Variants in TEP1 observed in about 807,000 individuals in gnomAD.
TEP1 encodes telomerase associated protein 1.
A neutral mutation model predicts 306.3 loss-of-function variants in TEP1; 241 were observed. The ratio of observed to expected loss-of-function variants is 0.79; its 90% CI spans 0.71 to 0.88. TEP1 has a LOEUF of 0.88. Ranked by LOEUF, TEP1 falls within the 40% of genes least tolerant of loss-of-function variation. The pLI is 0.00. For synonymous variants in TEP1, 1,289 were observed against 1,305.5 expected, an observed-to-expected ratio of 0.99 and a Z score of 0.27; for missense variants, 3,051 against 3,276.1, an observed-to-expected ratio of 0.93 and a Z score of 1.68.
Position 20,371,260 on chromosome 14 carries a change from T to C in TEP1, c.7275A>G (p.Ile2425Met), listed in dbSNP as rs1884818403. ...CAGGATCCTTGGGCTGCAGGACAAA[T>C]ATGCCATACTCCTTGTGGGTGGACA... is the stretch of plus-strand genomic sequence containing the variant. ...MILSTHKEYG[I>M]FVLQPKDPGV... Residue 2425 changes from isoleucine (I) to methionine (M), a missense_variant, in exon 51 of 55, where the codon ATA (isoleucine) becomes ATG (methionine). This residue lies in a region of TEP1 where 1,540 missense variants were observed against 1,705.9 expected (regional missense o/e 0.90). Transcript: ENST00000262715. 1.2e-6 allele frequency: 2 copies of C among 1,614,054 alleles called. No individual in the cohort carries two copies. The highest frequency in any genetic ancestry group is 1.1e-5 in the South Asian group (1 of 91,086).
chr14:20,391,094 G>C lies in TEP1; in HGVS notation c.2100C>G (p.Pro700=), dbSNP rs748950266. The change falls in exon 14 of 55, where the codon CCC becomes CCG. Residue 700 remains proline, a splice_region_variant and synonymous_variant. Coordinates refer to ENST00000262715, the MANE Select transcript of TEP1 (RefSeq NM_007110.5). The part of the protein sequence containing the change: ...RLCPKSNPQG[P]PLNYALLLIG... Reference sequence around the variant, plus strand: ...TCAACAGCAGTGCATAGTTCAGCGGGGGCTGATTGGACAAGTGTCAGGGGA... The same window carrying C: ...TCAACAGCAGTGCATAGTTCAGCGGCGGCTGATTGGACAAGTGTCAGGGGA... The C allele has an allele frequency of 2.5e-5, 40 of 1,613,624 alleles. No homozygotes were observed. The highest frequency in any genetic ancestry group is 3.4e-5 in the Non-Finnish European group (40 of 1,179,916).
rs778269815 is a variant in TEP1, at chr14:20,368,119, C to T, written c.*318G>A. ...TGGCATCCTAGGGTCCTAGGGCCCG[C>T]GAGTGATGCAAGAATTCTAAAACCT... On this transcript the variant is annotated 3_prime_UTR_variant, in exon 55 of 55. Coordinates refer to ENST00000262715, the MANE Select transcript of TEP1 (RefSeq NM_007110.5). The T allele has an allele frequency of 2.0e-5, 4 of 204,000 alleles. No individual in the cohort carries two copies. Among genetic ancestry groups the T allele is most frequent in the Non-Finnish European group, 3.0e-5 (3 of 99,806 alleles). 12.6% of individuals were successfully genotyped at this position (204,000 alleles called of 1,614,324 possible). A position where few individuals can be genotyped will look rare whatever the true frequency, so the allele number is the denominator to read the frequency against.
At chr14:20,369,636 C>T (rs776430504) in intron 52 of TEP1, 38 bp downstream of exon 52, 5 of 1,613,042 alleles carry the variant, frequency 3.1e-6, no homozygotes, top group Non-Finnish European at 4.2e-6. Flanking sequence ...CACCCTGGGC[C>T]ATCTCCCGGC....
chr14:20,391,608 G>A lies in TEP1; in HGVS notation c.2088C>T (p.Asn696=). 6.2e-7 allele frequency: 1 copy of A among 1,613,172 alleles called. No homozygotes were observed. Among genetic ancestry groups the A allele is most frequent in the Non-Finnish European group, 8.5e-7 (1 of 1,179,546 alleles). Residue 696 remains asparagine (N), a synonymous_variant, in exon 13 of 55, where the codon AAC becomes AAT. Transcript: ENST00000262715. ...CTTTTTGTTTTCTTACCCCTTGTGG[G>A]TTGCTCTTTGGACAGAGCCTGTCTG... ...ANADRLCPKS[N]PQGPPLNYAL...
intron 1 of TEP1, among the ~76,000 whole-genome samples, chr14:20,409,225 ACT>A (rs1205800077): frequency 1.3e-5 from 2 of 150,140 alleles, no homozygotes; most frequent in African/African-American, 4.9e-5. Flanking sequence ...TCTCATTAAA[ACT>A]CTCTCTTCCT....
intron 33 of TEP1, 40 bp downstream of exon 33, chr14:20,380,891 C>T (rs1450151346): frequency 3.9e-6 from 6 of 1,551,862 alleles, no homozygotes; most frequent in East Asian, 2.2e-5. Context: ...CCCAGGAGTC[C>T]CATATCTCAG....
intron 53 of TEP1, 39 bp from the exon 54 acceptor site, chr14:20,368,941 A>C (rs1282807448): frequency 2.0e-6 from 3 of 1,493,444 alleles, no homozygotes; most frequent in East Asian, 2.3e-5. Context: ...GTGAGTTCTC[A>C]GGGGCCCCTC....
At chr14:20,409,052 T>G (rs1177584851) in intron 1 of TEP1, among the ~76,000 whole-genome samples, 4 of 152,154 alleles carry the variant, frequency 2.6e-5, no homozygotes, top group Non-Finnish European at 5.9e-5. Context: ...CCAGCTTCCT[T>G]GCCTCCTATT....
rs752340084 is a variant in TEP1, at chr14:20,375,760, G to T, written c.6358C>A (p.Leu2120Ile). 1 of 1,612,254 alleles carries T rather than the reference G, an allele frequency of 6.2e-7. No homozygotes were observed. Among genetic ancestry groups the T allele is most frequent in the Non-Finnish European group, 8.5e-7 (1 of 1,178,906 alleles). Residue 2120 changes from leucine to isoleucine, a missense_variant, in exon 43 of 55, where the codon CTA becomes ATA. Coordinates refer to ENST00000262715, the MANE Select transcript of TEP1 (RefSeq NM_007110.5). ...VTGCAWTKDN[L>I]LISCSSDGSV... is the part of the protein sequence containing the mutation. ...ACCCCTGGCCCTTTACTCACCAGTA[G>T]GTTATCTTTGGTCCAGGCACAGCCA...
chr14:20,389,280 G>C lies in TEP1; in HGVS notation c.2483C>G (p.Pro828Arg), dbSNP rs145088591. 19 of 1,614,038 alleles carry C rather than the reference G, an allele frequency of 1.2e-5. No homozygotes were observed. In the African/African-American group the frequency reaches 2.5e-4, roughly 22 times the overall value. ...RVQYLSTDLN[P>R]NDVTLSGCTD... ...ACAGCCTGAGAGTGTCACATCATTGGGATTCAAATCTGTTGACCTGGCAAA... is the reference window on the plus strand; with the variant it reads ...ACAGCCTGAGAGTGTCACATCATTGCGATTCAAATCTGTTGACCTGGCAAA... The change falls in exon 17 of 55, where the codon CCC becomes CGC. Residue 828 changes from proline (P) to arginine (R), a missense_variant. Physicochemically the swap from Pro to Arg is moderately radical, Grantham distance 103. Coordinates refer to ENST00000262715, the MANE Select transcript of TEP1 (RefSeq NM_007110.5).
At chr14:20,406,507 T>A in intron 2 of TEP1, 107 bp from the exon 3 acceptor site, 1 of 1,098,920 alleles carries the variant, frequency 9.1e-7, no homozygotes, top group Non-Finnish European at 1.3e-6. Context: ...ACATCTCCAT[T>A]AATAGCACCT....
At chr14:20,371,130 T>A in intron 51 of TEP1, 88 bp downstream of exon 51, 1 of 1,143,134 alleles carries the variant, frequency 8.7e-7, no homozygotes, top group Non-Finnish European at 1.3e-6. Context: ...TGCCTTTCCC[T>A]TCCCTATCCT....
chr14:20,406,220 C>A lies in TEP1; in HGVS notation c.735+13G>T, dbSNP rs754157637. The A allele has an allele frequency of 9.3e-6, 15 of 1,613,680 alleles. No homozygotes were observed. The South Asian group carries it at 1.6e-4, about 18-fold the overall frequency. On this transcript the variant is annotated intron_variant, in intron 3 of 54. Transcript: ENST00000262715. ...CACCATTATTAACCTTCCCCTAACT[C>A]TTGAATTTTTACCTTCTTTTCCTGA...
rs565795590 is a variant in TEP1, at chr14:20,366,159, C to G, written c.*2278G>C. The G allele has an allele frequency of 1.4e-4, 21 of 151,742 alleles. No homozygotes were observed. Among genetic ancestry groups the G allele is most frequent in the South Asian group, 2.1e-4 (1 of 4,830 alleles). 9.4% of individuals were successfully genotyped at this position (151,742 alleles called of 1,614,324 possible). A position where few individuals can be genotyped will look rare whatever the true frequency, so the allele number is the denominator to read the frequency against. ...CCTTCTCCAAGATGAAACAAAAAAC[C>G]CTTCAAGTGGGCCTGGCCAACAAGA... On this transcript the variant is annotated 3_prime_UTR_variant, in exon 55 of 55. Coordinates refer to ENST00000262715, the MANE Select transcript of TEP1 (RefSeq NM_007110.5).
chr14:20,396,734 T>A lies in TEP1; in HGVS notation c.1550-4A>T, dbSNP rs530123286. On this transcript the variant is annotated splice_region_variant and splice_polypyrimidine_tract_variant and intron_variant, in intron 9 of 54. Coordinates refer to ENST00000262715, the MANE Select transcript of TEP1 (RefSeq NM_007110.5). ...ATGAAGGGAAGCTTCCCATTTTCTG[T>A]GGAATGTGGGGCATAGAGTGAGAAA... 3.1e-6 allele frequency: 5 copies of A among 1,599,274 alleles called. No homozygotes were observed. In the African/African-American group the frequency reaches 4.0e-5, roughly 13 times the overall value.
In TEP1 at chr14:20,404,608, T is replaced by C. The variant is rs1879024694; in HGVS notation, c.1032+3A>G. On this transcript the variant is annotated splice_donor_region_variant and intron_variant, in intron 5 of 54. Transcript: ENST00000262715. The stretch of plus-strand genomic sequence containing the variant: ...CCCAAGCTCAGGGAAATGAGCACCA[T>C]ACCTGGTAAAGCTCAGCCACCTGGA... The C allele has an allele frequency of 2.5e-6, 4 of 1,611,694 alleles. No individual in the cohort carries two copies. Among genetic ancestry groups the C allele is most frequent in the South Asian group, 1.1e-5 (1 of 90,700 alleles).
Position 20,379,872 on chromosome 14 carries a change from C to G in TEP1, c.5127+58G>C, listed in dbSNP as rs533514179. 5.4e-5 allele frequency: 85 copies of G among 1,561,766 alleles called. No homozygotes were observed. In the South Asian group the frequency reaches 9.8e-4, roughly 18 times the overall value. On this transcript the variant is annotated intron_variant, in intron 35 of 54. Coordinates refer to ENST00000262715, the MANE Select transcript of TEP1 (RefSeq NM_007110.5). ...GGTGTGTTTGGCTCATCTAGGGCTTCAGGGCAGTCTGCATGGATTTTCAGA... is the reference window on the plus strand; with the variant it reads ...GGTGTGTTTGGCTCATCTAGGGCTTGAGGGCAGTCTGCATGGATTTTCAGA...
intron 11 of TEP1, 57 bp from the exon 12 acceptor site, chr14:20,395,684 C>G: frequency 1.3e-6 from 2 of 1,562,894 alleles, no homozygotes; most frequent in Middle Eastern, 1.7e-4. Context: ...TCATCTTTTC[C>G]TACCAGTAAT....
chr14:20,377,929 C>A, intron 39 of TEP1, 95 bp downstream of exon 39: 1 of 1,516,890 alleles, frequency 6.6e-7, no homozygotes, highest in Admixed American at 1.7e-5. Flanking sequence ...AGCTCCTCCA[C>A]AGTCTCCTCG....
Sources: allele counts gnomAD v4.1 joint callset (sites outside exome capture counted in the v4.1 genomes callset), GRCh38; gene constraint gnomAD v4.1.1; regional missense constraint gnomAD v4.1.1; transcripts MANE v1.5; gene names NCBI Gene and HGNC (gene_info 2026-07-23, HGNC 2026-07-21).